The following YWHAQ variants were observed in gnomAD, a reference collection of about 807,000 sequenced individuals.
The protein encoded by YWHAQ is 14-3-3 protein theta.
Under a neutral mutation model 28.3 loss-of-function variants are expected in YWHAQ, and 6 were observed. The ratio of observed to expected loss-of-function variants is 0.21; its 90% confidence interval spans 0.12 to 0.42. YWHAQ has a LOEUF of 0.42. Among genes scored for constraint, YWHAQ ranks in the 10% least tolerant of loss-of-function variants. YWHAQ has a pLI of 1.00. For synonymous variants in YWHAQ, 143 were observed against 119.1 expected (o/e 1.20, Z -1.31); for missense variants, 201 against 305.6 (o/e 0.66, Z 2.55).
chr2:9,628,238 G>T (rs182903806), intron 2 of YWHAQ, among the ~76,000 whole-genome samples: 95 of 152,250 alleles, frequency 6.2e-4, no homozygotes, highest in African/African-American at 2.2e-3. Context: ...TTATGCCTTG[G>T]TGTCTCGGAT....
intron 2 of YWHAQ, among the ~76,000 whole-genome samples, chr2:9,603,446 T>C (rs1213002611): frequency 6.7e-6 from 1 of 150,350 alleles, no homozygotes; most frequent in Non-Finnish European, 1.5e-5. Context: ...ATTTTTCTAA[T>C]TTTTTTTTAG....
In YWHAQ at chr2:9,630,373, T is replaced by C. The variant is rs769631927; in HGVS notation, c.80A>G (p.Lys27Arg). ...CTCGGCGCCCTGCTCGGTCACTGCC[T>C]TCATGCAGGTGGCCATGTCGTCGTA... ...ERYDDMATCMKAVTEQGAELS... is the reference protein window; with the variant it reads ...ERYDDMATCMRAVTEQGAELS... Residue 27 changes from lysine (K) to arginine (R), a missense_variant, in exon 2 of 6, where the codon AAG becomes AGG. By Grantham distance (26) the Lys-to-Arg change is conservative. Around this residue, in one of 2 missense-constraint regions of YWHAQ, gnomAD observed 162 missense variants for 213.9 expected, o/e 0.76. Transcript: ENST00000238081. The surrounding 1 kb of genome is among the most constrained non-coding windows in gnomAD (Gnocchi z 5.6). 2 of 1,614,052 alleles carry C rather than the reference T, an allele frequency of 1.2e-6. No individual in the cohort carries two copies. Among genetic ancestry groups the C allele is most frequent in the South Asian group, 1.1e-5 (1 of 91,082 alleles).
At chr2:9,591,702 G>A (rs1423315370) in intron 2 of YWHAQ, among the ~76,000 whole-genome samples, 187 bp from the exon 3 acceptor site, 3 of 152,114 alleles carry the variant, frequency 2.0e-5, no homozygotes, top group Non-Finnish European at 4.4e-5. Flanking sequence ...AGTTGCCCTG[G>A]GAGGCTTTAA....
intron 2 of YWHAQ, among the ~76,000 whole-genome samples, chr2:9,592,817 A>G (rs1329361002): frequency 2.0e-5 from 3 of 152,190 alleles, no homozygotes; most frequent in African/African-American, 7.2e-5. Context: ...ACTAATACCT[A>G]CTTCATTGGT....
At chr2:9,599,556 T>C (rs1666646265) in intron 2 of YWHAQ, among the ~76,000 whole-genome samples, 1 of 152,174 alleles carries the variant, frequency 6.6e-6, no homozygotes, top group South Asian at 2.1e-4. Flanking sequence ...TTAAGAATTA[T>C]GCTAAATCTA....
chr2:9,624,596 C>T (rs537847516), intron 2 of YWHAQ, among the ~76,000 whole-genome samples: 1 of 152,102 alleles, frequency 6.6e-6, no homozygotes, highest in Non-Finnish European at 1.5e-5. Context: ...GGCCTCTCTA[C>T]CCACTAGACG....
intron 2 of YWHAQ, among the ~76,000 whole-genome samples, chr2:9,606,687 A>G (rs987784450): frequency 1.3e-5 from 2 of 151,966 alleles, no homozygotes; most frequent in East Asian, 1.9e-4. Context: ...ATGCCGCCAC[A>G]CTGGGCTAAT....
chr2:9,630,254 G>A lies in YWHAQ; in HGVS notation c.199C>T (p.Gln67Ter). The A allele has an allele frequency of 6.2e-7, 1 of 1,614,180 alleles. No individual in the cohort carries two copies. The highest frequency in any genetic ancestry group is 8.5e-7 in the Non-Finnish European group (1 of 1,180,046). Residue 67 changes from glutamine (Q) to a stop codon, truncating the protein, a stop_gained, in exon 2 of 6, where the codon CAG becomes TAG. Coordinates refer to ENST00000238081, the MANE Select transcript of YWHAQ (RefSeq NM_006826.4). LOFTEE classifies it high-confidence loss of function. The surrounding 1 kb of genome is among the most constrained non-coding windows in gnomAD (Gnocchi z 5.6). ...TTCTTGTCGGAGGTGTCGGTCTTCT[G>A]CTCGATGCTAGAGATGACCCTCCAG... ...SAWRVISSIE[Q>*]KTDTSDKKLQ...
chr2:9,609,443 G>A lies in YWHAQ; in HGVS notation c.295-17928C>T, dbSNP rs919833336. On this transcript the variant is annotated intron_variant, in intron 2 of 5. Coordinates refer to ENST00000238081, the MANE Select transcript of YWHAQ (RefSeq NM_006826.4). ...TTATAAGATGCGAATAGAAAGAGAA[G>A]GTCTAAGGTAATAGCCAACAGCTAT... Among the ~76,000 whole-genome samples the A allele has an allele frequency of 3.3e-5, 5 of 152,234 alleles. No individual in the cohort carries two copies. In the East Asian group the frequency reaches 7.7e-4, roughly 23 times the overall value.
chr2:9,614,986 C>A (rs1456671530), intron 2 of YWHAQ, among the ~76,000 whole-genome samples: 1 of 152,054 alleles, frequency 6.6e-6, no homozygotes, highest in East Asian at 1.9e-4. Context: ...TTCAAATGAA[C>A]CCCCAGGGAC....
Position 9,630,230 on chromosome 2 carries a change from T to C in YWHAQ, c.223A>G (p.Lys75Glu), listed in dbSNP as rs1256127421. The stretch of plus-strand genomic sequence containing the variant: ...CGATAGTCCTTAATCAGCTGCAACT[T>C]CTTGTCGGAGGTGTCGGTCTTCTGC... ...IEQKTDTSDK[K>E]LQLIKDYREK... The change falls in exon 2 of 6, where the codon AAG becomes GAG. Residue 75 changes from lysine (K) to glutamate (E), a missense_variant. This residue lies in a region of YWHAQ where 162 missense variants were observed against 213.9 expected (regional missense o/e 0.76). Transcript: ENST00000238081. The surrounding 1 kb of genome is among the most constrained non-coding windows in gnomAD (Gnocchi z 5.6). 6.2e-7 allele frequency: 1 copy of C among 1,614,086 alleles called. No individual in the cohort carries two copies. Among genetic ancestry groups the C allele is most frequent in the African/African-American group, 1.3e-5 (1 of 75,046 alleles).
In YWHAQ at chr2:9,585,282, G is replaced by A; in HGVS notation, c.*4C>T. On this transcript the variant is annotated 3_prime_UTR_variant, in exon 6 of 6. Coordinates refer to ENST00000238081, the MANE Select transcript of YWHAQ (RefSeq NM_006826.4). The stretch of plus-strand genomic sequence containing the variant: ...AGGAAAGAAGGATGACACCCTGTAT[G>A]GATTTAGTTTTCAGCCCCTTCTGCC... 6.2e-7 allele frequency: 1 copy of A among 1,614,034 alleles called. No homozygotes were observed. The highest frequency in any genetic ancestry group is 8.5e-7 in the Non-Finnish European group (1 of 1,179,960).
chr2:9,601,433 T>C (rs1489592373), intron 2 of YWHAQ, among the ~76,000 whole-genome samples: 2 of 152,128 alleles, frequency 1.3e-5, no homozygotes, highest in Non-Finnish European at 2.9e-5. Context: ...ACCACTGCAT[T>C]CCAGCCTGGA....
At chr2:9,599,388 G>A (rs1015576745) in intron 2 of YWHAQ, among the ~76,000 whole-genome samples, 1 of 152,202 alleles carries the variant, frequency 6.6e-6, no homozygotes, top group African/African-American at 2.4e-5. Flanking sequence ...TATTTCCAAT[G>A]TAGAGGAAAC....
intron 2 of YWHAQ, among the ~76,000 whole-genome samples, chr2:9,593,905 A>ATATATAT (rs1553372584): frequency 1.6e-5 from 2 of 127,632 alleles, no homozygotes; most frequent in Admixed American, 7.8e-5. Context: ...GATTAAAAAA[A>ATATATAT]ATATATATAT....
At chr2:9,600,748 G>C (rs962765692) in intron 2 of YWHAQ, among the ~76,000 whole-genome samples, 1 of 152,018 alleles carries the variant, frequency 6.6e-6, no homozygotes, top group African/African-American at 2.4e-5. Flanking sequence ...TTTGTGAAAG[G>C]AAGCACAAAC....
At chr2:9,587,554 A>C in intron 4 of YWHAQ, 45 bp from the exon 5 acceptor site, 2 of 1,520,094 alleles carry the variant, frequency 1.3e-6, no homozygotes, top group Non-Finnish European at 1.8e-6. Flanking sequence ...CATTGACGAA[A>C]ACTGGTTATT....
chr2:9,629,445 A>G (rs1382416128), intron 2 of YWHAQ, among the ~76,000 whole-genome samples: 1 of 152,232 alleles, frequency 6.6e-6, no homozygotes. Context: ...CCTTGCTAAG[A>G]CTGGACAGTT....
chr2:9,607,976 GGT>G (rs1487672553), intron 2 of YWHAQ, among the ~76,000 whole-genome samples: 2 of 151,398 alleles, frequency 1.3e-5, no homozygotes, highest in East Asian at 3.9e-4. Context: ...CCAAAGTGCT[GGT>G]ATTACAGGCG....
Sources: allele counts gnomAD v4.1 joint callset (sites outside exome capture counted in the v4.1 genomes callset), GRCh38; gene constraint gnomAD v4.1.1; regional missense constraint gnomAD v4.1.1; non-coding constraint Gnocchi (gnomAD v3.1); transcripts MANE v1.5; gene names NCBI Gene and HGNC (gene_info 2026-07-23, HGNC 2026-07-21).